DPPA2: variants seen among roughly 807,000 people sequenced by gnomAD.
DPPA2 encodes the protein developmental pluripotency associated 2.
In DPPA2, 26 loss-of-function variants were observed where a neutral mutation model predicts 36.2. That is an observed-to-expected ratio of 0.72 (90% CI 0.53 to 1.00). The LOEUF is 1.00. Among genes scored for constraint, DPPA2 ranks in the 50% least tolerant of loss-of-function variants. DPPA2 has a pLI of 0.00. For missense variants in DPPA2, 361 were observed against 365.1 expected (o/e 0.99, Z 0.09); for synonymous variants, 113 against 123.2 (o/e 0.92, Z 0.55).
At chr3:109,294,403 T>G (rs966105742) in intron 8 of DPPA2, among the ~76,000 whole-genome samples, 3 of 152,168 alleles carry the variant, frequency 2.0e-5, no homozygotes, top group Non-Finnish European at 4.4e-5. Context: ...TGATGTACAA[T>G]GTGGAAATTT....
intron 8 of DPPA2, among the ~76,000 whole-genome samples, chr3:109,299,942 A>C (rs1707429541): frequency 6.6e-6 from 1 of 152,120 alleles, no homozygotes. Flanking sequence ...ATTGTAAAAA[A>C]TGTAGCACAC....
In DPPA2 at chr3:109,310,205, G is replaced by C. The variant is rs569578237; in HGVS notation, c.182-875C>G. On this transcript the variant is annotated intron_variant, in intron 3 of 8. Coordinates refer to ENST00000478945, the MANE Select transcript of DPPA2 (RefSeq NM_138815.4). The stretch of plus-strand genomic sequence containing the variant: ...ATCGCGCCATTGCACTCCAGCCTGG[G>C]CAACAAGAGTAAAACTCCGTCTCAA... 2.9e-3 allele frequency among the ~76,000 whole-genome samples: 415 copies of C among 142,356 alleles called. 5 individuals are homozygous for C. The highest frequency in any genetic ancestry group is 1.9e-3 in the Non-Finnish European group (128 of 66,500). 93.4% of individuals were successfully genotyped at this position (142,356 alleles called of 152,430 possible).
chr3:109,294,358 G>A (rs1707315024), intron 8 of DPPA2, among the ~76,000 whole-genome samples: 1 of 152,158 alleles, frequency 6.6e-6, no homozygotes, highest in African/African-American at 2.4e-5. Flanking sequence ...CATTTTGAGA[G>A]CCTGACTAAG....
intron 5 of DPPA2, 102 bp downstream of exon 5, chr3:109,308,924 C>T: frequency 1.6e-5 from 22 of 1,399,140 alleles, no homozygotes; most frequent in Non-Finnish European, 2.2e-5. Context: ...AGTGAAGAAA[C>T]CCTGCCTTAG....
rs1279392654 is a variant in DPPA2, at chr3:109,299,474, G to A, written c.*22+897C>T. 5.3e-5 allele frequency among the ~76,000 whole-genome samples: 8 copies of A among 151,650 alleles called. No homozygotes were observed. The East Asian group carries it at 5.9e-4, about 11-fold the overall frequency. ...GGAGGTTGCAGTGAGCTGAGATCAC[G>A]CCACTGCACTCCAGCCTGGGCAACA... On this transcript the variant is annotated intron_variant, in intron 8 of 8. Transcript: ENST00000478945.
intron 3 of DPPA2, among the ~76,000 whole-genome samples, chr3:109,309,910 C>T (rs1178143551): frequency 8.6e-5 from 13 of 151,652 alleles, no homozygotes; most frequent in Admixed American, 2.0e-4. Flanking sequence ...GGTAAAACCC[C>T]GTCTCTACTA....
In DPPA2 at chr3:109,312,675, T is replaced by C. The variant is rs1356490867; in HGVS notation, c.51A>G (p.Glu17=). The C allele has an allele frequency of 1.2e-6, 2 of 1,613,670 alleles. No individual in the cohort carries two copies. The highest frequency in any genetic ancestry group is 4.5e-5 in the East Asian group (2 of 44,858). Residue 17 remains glutamate, a synonymous_variant, in exon 3 of 9, where the codon GAA becomes GAG. Transcript: ENST00000478945. ...AAATCACACTTTCCTCATCATCTAC[T>C]TCCCCCTCCAAGAAATTCTGGAAAG... is the stretch of plus-strand genomic sequence containing the variant. ...DSSKKNFLEG[E]VDDEESVILT...
chr3:109,298,408 C>T (rs1440376507), intron 8 of DPPA2, among the ~76,000 whole-genome samples: 1 of 151,828 alleles, frequency 6.6e-6, no homozygotes, highest in African/African-American at 2.4e-5. Flanking sequence ...GGTGAGACCC[C>T]ATCTCTATAA....
Position 109,315,180 on chromosome 3 carries a change from A to G in DPPA2, c.-13-625T>C, listed in dbSNP as rs1707769025. 2.0e-5 allele frequency among the ~76,000 whole-genome samples: 3 copies of G among 152,274 alleles called. No individual in the cohort carries two copies. The South Asian group carries it at 6.2e-4, about 31-fold the overall frequency. On this transcript the variant is annotated intron_variant, in intron 1 of 8. Transcript: ENST00000478945. ...AACAGAATGTTTTAGAACAGTTATA[A>G]GACGATATTGGTAACAAATTACTTA...
intron 8 of DPPA2, among the ~76,000 whole-genome samples, chr3:109,298,234 T>C (rs1048599434): frequency 7.2e-5 from 11 of 152,180 alleles, no homozygotes; most frequent in African/African-American, 2.7e-4. Context: ...GTCAAAACCA[T>C]AGAATGTACA....
intron 3 of DPPA2, among the ~76,000 whole-genome samples, chr3:109,310,789 C>G (rs756601099): frequency 2.6e-5 from 4 of 151,660 alleles, no homozygotes; most frequent in Non-Finnish European, 5.9e-5. Context: ...CAGGCATGAG[C>G]CACCGCACCC....
intron 8 of DPPA2, among the ~76,000 whole-genome samples, chr3:109,297,988 G>C (rs1559694085): frequency 6.6e-6 from 1 of 152,132 alleles, no homozygotes; most frequent in Non-Finnish European, 1.5e-5. Flanking sequence ...GCACACACCT[G>C]TAGTCCCAGT....
chr3:109,314,475 T>G lies in DPPA2; in HGVS notation c.33+35A>C, dbSNP rs777525592. On this transcript the variant is annotated intron_variant, in intron 2 of 8. Coordinates refer to ENST00000478945, the MANE Select transcript of DPPA2 (RefSeq NM_138815.4). Reference sequence around the variant, plus strand: ...ACCTAGAAAGACTCTGAAAAGCGACTGTGAGAAAAGTAATTCTATTAGAAT... The same window carrying G: ...ACCTAGAAAGACTCTGAAAAGCGACGGTGAGAAAAGTAATTCTATTAGAAT... The G allele has an allele frequency of 6.2e-6, 10 of 1,602,684 alleles. 1 individual carries two copies. The Middle Eastern group carries it at 5.3e-4, about 84-fold the overall frequency.
At chr3:109,307,950 C>T (rs1270363581) in intron 6 of DPPA2, 82 bp downstream of exon 6, 2 of 1,493,520 alleles carry the variant, frequency 1.3e-6, no homozygotes, top group Non-Finnish European at 1.8e-6. Context: ...AATGCCTTCC[C>T]TTTGACCACG....
At chr3:109,307,511 G>A (rs1389868280) in intron 6 of DPPA2, among the ~76,000 whole-genome samples, 3 of 149,694 alleles carry the variant, frequency 2.0e-5, no homozygotes, top group Non-Finnish European at 1.5e-5. Context: ...GCTGAGGCAG[G>A]AGAATTGCTT....
chr3:109,304,660 C>T lies in DPPA2; in HGVS notation c.669G>A (p.Trp223Ter), dbSNP rs750821612. The T allele has an allele frequency of 1.3e-6, 2 of 1,585,354 alleles. No homozygotes were observed. The highest frequency in any genetic ancestry group is 1.9e-5 in the Admixed American group (1 of 53,008). The stretch of plus-strand genomic sequence containing the variant: ...AGAGAAGTCTGCCATGGACCACACA[C>T]CACCTGACGCCTGGAAAGGAAAAAC... ...AFLMQASGVRWCVVHGRLLSA... is the reference protein window; with the variant it reads ...AFLMQASGVR The change falls in exon 7 of 9, where the codon TGG becomes TGA. Residue 223 changes from tryptophan (W) to a stop codon, truncating the protein, a stop_gained. Coordinates refer to ENST00000478945, the MANE Select transcript of DPPA2 (RefSeq NM_138815.4). LOFTEE classifies it high-confidence loss of function.
intron 3 of DPPA2, among the ~76,000 whole-genome samples, chr3:109,310,543 T>C (rs1042831590): frequency 6.6e-6 from 1 of 151,306 alleles, no homozygotes; most frequent in African/African-American, 2.4e-5. Flanking sequence ...TTTCGCTCTA[T>C]TGCCCAGGCT....
rs1226332653 is a variant in DPPA2 at position 109,312,588 on chromosome 3, T to C, written c.138A>G (p.Ser46=). ...NMEQMEPSVS[S]TSDVKLEKPK... is the part of the protein sequence containing the mutation. ...GCTTCTCCAGTTTGACATCAGAAGT[T>C]GAAGAAACGCTTGGTTCCATTTGTT... Residue 46 remains serine (S), a synonymous_variant, in exon 3 of 9, where the codon TCA becomes TCG. Transcript: ENST00000478945. 5.0e-6 allele frequency: 8 copies of C among 1,613,796 alleles called. No homozygotes were observed. The highest frequency in any genetic ancestry group is 6.8e-6 in the Non-Finnish European group (8 of 1,179,782).
At chr3:109,294,555 C>T (rs1707318186) in intron 8 of DPPA2, among the ~76,000 whole-genome samples, 1 of 152,204 alleles carries the variant, frequency 6.6e-6, no homozygotes, top group African/African-American at 2.4e-5. Flanking sequence ...CACAAGCACA[C>T]ATATTCTCAA....
Sources: allele counts gnomAD v4.1 joint callset (sites outside exome capture counted in the v4.1 genomes callset), GRCh38; gene constraint gnomAD v4.1.1; transcripts MANE v1.5; gene names NCBI Gene and HGNC (gene_info 2026-07-23, HGNC 2026-07-21).